COPS2: variants seen among roughly 807,000 people sequenced by gnomAD.
The protein encoded by COPS2 is COP9 signalosome complex subunit 2.
COPS2 carries 10 observed loss-of-function variants against 66.1 expected under a neutral mutation model. The ratio of observed to expected loss-of-function variants is 0.15; its 90% confidence interval spans 0.09 to 0.26. The LOEUF (loss-of-function observed/expected upper bound fraction) is 0.26. Among genes scored for constraint, COPS2 ranks in the 10% least tolerant of loss-of-function variants. The probability of loss-of-function intolerance (pLI) is 1.00; values close to 1 mark genes in which losing one functional copy is unlikely to be tolerated. For missense variants in COPS2, 215 were observed against 513.3 expected, an observed-to-expected ratio of 0.42 and a Z score of 5.62; for synonymous variants, 179 against 171.3, an observed-to-expected ratio of 1.04 and a Z score of -0.35.
At chr15:49,131,716 T>G (rs1404201079) in intron 9 of COPS2, among the ~76,000 whole-genome samples, 1 of 152,100 alleles carries the variant, frequency 6.6e-6, no homozygotes, top group Non-Finnish European at 1.5e-5. Flanking sequence ...CCAAATACAC[T>G]GCTGTAATAT....
In COPS2 at chr15:49,139,438, G is replaced by C. The variant is rs544005096; in HGVS notation, c.372+90C>G. Reference sequence around the variant, plus strand: ...AACTAGCACAACTACTTAAATAGAAGCTCTAGGCCTTTCCATCTATAAAGA... The same window carrying C: ...AACTAGCACAACTACTTAAATAGAACCTCTAGGCCTTTCCATCTATAAAGA... On this transcript the variant is annotated intron_variant, in intron 4 of 12. Transcript: ENST00000388901. 5 of 1,004,046 alleles carry C rather than the reference G, an allele frequency of 5.0e-6. No individual in the cohort carries two copies. The African/African-American group carries it at 8.2e-5, about 16-fold the overall frequency. 62.2% of individuals were successfully genotyped at this position (1,004,046 alleles called of 1,614,324 possible).
At chr15:49,149,353 C>T (rs2084342767) in intron 1 of COPS2, among the ~76,000 whole-genome samples, 1 of 152,214 alleles carries the variant, frequency 6.6e-6, no homozygotes, top group African/African-American at 2.4e-5. Flanking sequence ...AGATACTCCC[C>T]TGCCCTAATA....
Position 49,129,522 on chromosome 15 carries a change from T to C in COPS2, c.1083A>G (p.Lys361=). ...GTATTCTTGTGTAAGGCTTAATTAA[T>C]TTTATAAGCACTTGTGTTCTGATGT... ...LRNIRTQVLI[K]LIKPYTRIHI... is the part of the protein sequence containing the mutation. Residue 361 remains lysine (K), a synonymous_variant, in exon 11 of 13, where the codon AAA becomes AAG. Transcript: ENST00000388901. 1.3e-6 allele frequency: 2 copies of C among 1,512,328 alleles called. No homozygotes were observed. The highest frequency in any genetic ancestry group is 2.1e-5 in the Admixed American group (1 of 47,050). 93.7% of individuals were successfully genotyped at this position (1,512,328 alleles called of 1,614,324 possible). A position where few individuals can be genotyped will look rare whatever the true frequency, so the allele number is the denominator to read the frequency against.
chr15:49,149,193 C>T (rs1235658216), intron 1 of COPS2, among the ~76,000 whole-genome samples: 1 of 152,154 alleles, frequency 6.6e-6, no homozygotes, highest in Admixed American at 6.5e-5. Flanking sequence ...GTTATTTCCC[C>T]CAAGCAATTT....
rs553439823 is a variant in COPS2, at chr15:49,123,244, A to G, written c.*4706T>C. Reference sequence around the variant, plus strand: ...ACAACTTCATGGGATGACGCTAGAGATTACTTTTTCTAAACTCTAAACTCC... The same window carrying G: ...ACAACTTCATGGGATGACGCTAGAGGTTACTTTTTCTAAACTCTAAACTCC... On this transcript the variant is annotated 3_prime_UTR_variant, in exon 13 of 13. Transcript: ENST00000388901. The G allele has an allele frequency of 1.3e-5, 2 of 152,274 alleles. No homozygotes were observed. Among genetic ancestry groups the G allele is most frequent in the South Asian group, 4.1e-4 (2 of 4,828 alleles). 9.4% of individuals were successfully genotyped at this position (152,274 alleles called of 1,614,324 possible). A position where few individuals can be genotyped will look rare whatever the true frequency, so the allele number is the denominator to read the frequency against.
At chr15:49,134,319 C>T in intron 7 of COPS2, 21 bp downstream of exon 7, 6 of 1,609,440 alleles carry the variant, frequency 3.7e-6, no homozygotes, top group Non-Finnish European at 3.4e-6. Context: ...CCACTGCCCA[C>T]CCTCTCCAAA....
At chr15:49,145,901 G>C (rs1481785396) in intron 1 of COPS2, among the ~76,000 whole-genome samples, 1 of 152,108 alleles carries the variant, frequency 6.6e-6, no homozygotes, top group Non-Finnish European at 1.5e-5. Flanking sequence ...TGAGTCATAA[G>C]ATATAGATTA....
At chr15:49,132,334 A>G (rs1201512194) in intron 9 of COPS2, among the ~76,000 whole-genome samples, 1 of 151,404 alleles carries the variant, frequency 6.6e-6, no homozygotes, top group African/African-American at 2.4e-5. Context: ...AACTGTTCTT[A>G]GTCCCCCTAA....
chr15:49,131,161 A>T (rs2084205565), intron 9 of COPS2, among the ~76,000 whole-genome samples: 1 of 152,138 alleles, frequency 6.6e-6, no homozygotes, highest in Non-Finnish European at 1.5e-5. Context: ...GATGTTTTCA[A>T]ATGAAATTGT....
chr15:49,149,447 T>C (rs577125524), intron 1 of COPS2, among the ~76,000 whole-genome samples: 1 of 152,346 alleles, frequency 6.6e-6, no homozygotes, highest in Non-Finnish European at 1.5e-5. Flanking sequence ...TGCTTCCATA[T>C]GACATGCATC....
intron 1 of COPS2, among the ~76,000 whole-genome samples, chr15:49,152,083 G>A (rs1357702804): frequency 1.3e-5 from 2 of 149,242 alleles, no homozygotes; most frequent in South Asian, 2.1e-4. Flanking sequence ...ACGAGGTGAT[G>A]ATCAATTTTC....
chr15:49,139,313 ATTAT>A (rs1165174770), intron 4 of COPS2: 1 of 419,344 alleles, frequency 2.4e-6, no homozygotes, highest in Non-Finnish European at 4.2e-6. Context: ...ATCTGAAGGC[ATTAT>A]TTAAAGAGAT....
intron 11 of COPS2, 107 bp downstream of exon 11, chr15:49,129,370 T>C: frequency 4.5e-6 from 2 of 440,540 alleles, no homozygotes; most frequent in Non-Finnish European, 8.0e-6. Flanking sequence ...AAATGTATTA[T>C]TATAATAAAA....
intron 1 of COPS2, among the ~76,000 whole-genome samples, chr15:49,154,182 A>G (rs1013969383): frequency 3.3e-5 from 5 of 152,170 alleles, no homozygotes; most frequent in African/African-American, 1.2e-4. Context: ...AAATACAAGC[A>G]CATATAAAAG....
At position 49,136,912 on chromosome 15, in the gene COPS2, C is replaced by G. The variant is rs555695293; in HGVS notation, c.540+238G>C. ...GCTGAGGTGGGAAGACTGCTTCAGC[C>G]CAGGAGGTAAAGGTTGCAGTGAGCC... On this transcript the variant is annotated intron_variant, in intron 6 of 12. Transcript: ENST00000388901. Among the ~76,000 whole-genome samples the G allele has an allele frequency of 2.0e-5, 3 of 151,936 alleles. No homozygotes were observed. The East Asian group carries it at 5.8e-4, about 29-fold the overall frequency.
At chr15:49,132,117 A>G (rs1427513233) in intron 9 of COPS2, among the ~76,000 whole-genome samples, 2 of 152,156 alleles carry the variant, frequency 1.3e-5, no homozygotes, top group African/African-American at 2.4e-5. Flanking sequence ...TAGAGTTTTA[A>G]AAGTGTAAAC....
In COPS2 at chr15:49,125,191, C is replaced by T. The variant is rs891133249; in HGVS notation, c.*2759G>A. 6.6e-6 allele frequency: 1 copy of T among 152,052 alleles called. No homozygotes were observed. Among genetic ancestry groups the T allele is most frequent in the Non-Finnish European group, 1.5e-5 (1 of 67,968 alleles). The allele number at this position is 152,052 out of a possible 1,614,324, so 9.4% of individuals were successfully genotyped here. A position where few individuals can be genotyped will look rare whatever the true frequency, so the allele number is the denominator to read the frequency against. The stretch of plus-strand genomic sequence containing the variant: ...CAGTTTTCCTGAAAGATGTATCAGC[C>T]TGTAGTTAGAAGGGACTCATGTAAT... On this transcript the variant is annotated 3_prime_UTR_variant, in exon 13 of 13. Coordinates refer to ENST00000388901, the MANE Select transcript of COPS2 (RefSeq NM_004236.4).
intron 11 of COPS2, 58 bp downstream of exon 11, chr15:49,129,419 T>G: frequency 1.6e-6 from 1 of 635,454 alleles, no homozygotes; most frequent in Non-Finnish European, 2.5e-6. Flanking sequence ...GCAAGACTGG[T>G]ATACTGCATT....
At chr15:49,142,592 T>G (rs1233149869) in intron 3 of COPS2, among the ~76,000 whole-genome samples, 1 of 152,220 alleles carries the variant, frequency 6.6e-6, no homozygotes, top group East Asian at 1.9e-4. Flanking sequence ...ACCTTCCAAC[T>G]GCTTCACTCC....
Sources: allele counts gnomAD v4.1 joint callset (sites outside exome capture counted in the v4.1 genomes callset), GRCh38; gene constraint gnomAD v4.1.1; transcripts MANE v1.5; gene names NCBI Gene and HGNC (gene_info 2026-07-23, HGNC 2026-07-21).